Variants in CNTN4 observed in about 807,000 individuals in gnomAD.
CNTN4 encodes the protein contactin-4.
CNTN4 carries 77 observed loss-of-function variants against 122.5 expected under a neutral mutation model. The ratio of observed to expected loss-of-function variants is 0.63; its 90% confidence interval spans 0.52 to 0.76. CNTN4 has a LOEUF of 0.76. Among genes scored for constraint, CNTN4 ranks in the 30% least tolerant of loss-of-function variants. The probability of loss-of-function intolerance (pLI) is 0.00; values close to 1 mark genes in which losing one functional copy is unlikely to be tolerated. For synonymous variants in CNTN4, 512 were observed against 447.0 expected (o/e 1.15, Z -1.83); for missense variants, 1,256 against 1,259.1 (o/e 1.00, Z 0.04).
intron 4 of CNTN4, among the ~76,000 whole-genome samples, chr3:2,704,786 C>A (rs1300503465): frequency 1.3e-5 from 2 of 152,124 alleles, no homozygotes; most frequent in African/African-American, 4.8e-5. Flanking sequence ...CAATACAATA[C>A]TTTAAGATGT....
intron 4 of CNTN4, among the ~76,000 whole-genome samples, chr3:2,706,871 C>T (rs2086771989): frequency 6.6e-6 from 1 of 152,064 alleles, no homozygotes; most frequent in Non-Finnish European, 1.5e-5. Context: ...GCCTCAGTTT[C>T]CTCACCTGTA....
At chr3:2,953,506 T>C (rs1001899339) in intron 13 of CNTN4, among the ~76,000 whole-genome samples, 2 of 151,960 alleles carry the variant, frequency 1.3e-5, no homozygotes, top group African/African-American at 4.8e-5. Flanking sequence ...TTCTACAACT[T>C]CTAAACTGAC....
rs201029064 is a variant in CNTN4, at chr3:2,943,290, G to GACC, written c.1358+17512_1358+17514dup. On this transcript the variant is annotated intron_variant, in intron 13 of 24. Coordinates refer to ENST00000418658, the MANE Select transcript of CNTN4 (RefSeq NM_175607.3). ...TGATGTATTTTTCCACAGGCTGTTA[G>GACC]ACCTAAAACTGAATAGCTAAATCGA... 5.1e-4 allele frequency among the ~76,000 whole-genome samples: 78 copies of GACC among 152,226 alleles called. 1 individual carries two copies. The East Asian group carries it at 0.014, about 28-fold the overall frequency.
intron 9 of CNTN4, among the ~76,000 whole-genome samples, chr3:2,884,400 T>C (rs181621192): frequency 6.6e-6 from 1 of 152,316 alleles, no homozygotes; most frequent in Admixed American, 6.5e-5. Context: ...ACAAATAAGC[T>C]ACAGTCGTAT....
chr3:2,511,818 G>A (rs1283250173), intron 3 of CNTN4: 1 of 152,172 alleles, frequency 6.6e-6, no homozygotes, highest in Non-Finnish European at 1.5e-5. Context: ...GAGGTAGAGT[G>A]TGATCTGTTT....
chr3:2,489,160 G>A lies in CNTN4; in HGVS notation c.-88-82256G>A, dbSNP rs924250230. Among the ~76,000 whole-genome samples, 5 of 152,010 alleles carry A rather than the reference G, an allele frequency of 3.3e-5. No individual in the cohort carries two copies. The South Asian group carries it at 6.2e-4, about 19-fold the overall frequency. Reference sequence around the variant, plus strand: ...CACTATTGAAATCACTCAATTGAACGGGAACTTATGCCAGTCCTGAGAGGA... The same window carrying A: ...CACTATTGAAATCACTCAATTGAACAGGAACTTATGCCAGTCCTGAGAGGA... On this transcript the variant is annotated intron_variant, in intron 3 of 24. Coordinates refer to ENST00000418658, the MANE Select transcript of CNTN4 (RefSeq NM_175607.3).
At chr3:2,612,694 A>G (rs2081551954) in intron 4 of CNTN4, among the ~76,000 whole-genome samples, 1 of 152,182 alleles carries the variant, frequency 6.6e-6, no homozygotes, top group Non-Finnish European at 1.5e-5. Context: ...GCATTGCTAC[A>G]TATCTTATTT....
chr3:2,432,680 A>G (rs1412602088), intron 3 of CNTN4, among the ~76,000 whole-genome samples: 1 of 151,844 alleles, frequency 6.6e-6, no homozygotes, highest in Non-Finnish European at 1.5e-5. Context: ...ATGTGTGTGT[A>G]TGTATATATA....
intron 2 of CNTN4, among the ~76,000 whole-genome samples, chr3:2,243,481 G>A (rs371605876): frequency 1.2e-4 from 18 of 151,914 alleles, no homozygotes; most frequent in East Asian, 3.9e-4. Context: ...AGACAAATTC[G>A]TAAACTTTCT....
At chr3:2,334,926 G>C (rs1437203688) in intron 2 of CNTN4, among the ~76,000 whole-genome samples, 1 of 152,148 alleles carries the variant, frequency 6.6e-6, no homozygotes, top group Non-Finnish European at 1.5e-5. Context: ...TTTTGGTTTT[G>C]AGGTATTTGG....
rs577122568 is a variant in CNTN4 at position 2,846,993 on chromosome 3, C to CAAATAAAT, written c.455-19744_455-19737dup. Among the ~76,000 whole-genome samples the CAAATAAAT allele has an allele frequency of 1.1e-3, 169 of 151,972 alleles. 1 individual carries two copies. Among genetic ancestry groups the CAAATAAAT allele is most frequent in the African/African-American group, 3.8e-3 (158 of 41,406 alleles). On this transcript the variant is annotated intron_variant, in intron 7 of 24. Transcript: ENST00000418658. ...GGGGAACAAGAGTGAAACTCGGTCT[C>CAAATAAAT]AAATAAATAAATAAATAAATAAGTA...
chr3:2,105,788 C>T (rs571588927), intron 2 of CNTN4, among the ~76,000 whole-genome samples: 2 of 152,312 alleles, frequency 1.3e-5, no homozygotes, highest in African/African-American at 4.8e-5. Flanking sequence ...AACAGTCGCC[C>T]AGAATCTTAA....
intron 6 of CNTN4, among the ~76,000 whole-genome samples, chr3:2,793,221 G>A (rs775141612): frequency 2.0e-5 from 3 of 151,994 alleles, no homozygotes; most frequent in Admixed American, 6.6e-5. Flanking sequence ...CTTCACTCTC[G>A]ATTCCTATCA....
At chr3:2,504,257 G>A (rs376522066) in intron 3 of CNTN4, among the ~76,000 whole-genome samples, 5 of 152,240 alleles carry the variant, frequency 3.3e-5, no homozygotes, top group Admixed American at 2.0e-4. Context: ...TGATTTCCAG[G>A]TTTATCCTGA....
At chr3:3,041,868 G>A (rs575644093) in intron 20 of CNTN4, among the ~76,000 whole-genome samples, 1 of 152,192 alleles carries the variant, frequency 6.6e-6, no homozygotes, top group Non-Finnish European at 1.5e-5. Context: ...GCTGAGGCGG[G>A]AGGATGGCTT....
At chr3:2,278,505 G>C (rs571402699) in intron 2 of CNTN4, among the ~76,000 whole-genome samples, 21 of 152,298 alleles carry the variant, frequency 1.4e-4, no homozygotes, top group Non-Finnish European at 3.1e-4. Flanking sequence ...ACTAATCTCA[G>C]AATGTAACAT....
At chr3:2,810,281 G>T (rs1389348664) in intron 6 of CNTN4, among the ~76,000 whole-genome samples, 1 of 152,180 alleles carries the variant, frequency 6.6e-6, no homozygotes, top group Admixed American at 6.5e-5. Flanking sequence ...GTGTCATTTA[G>T]CTAAGCTGGA....
chr3:2,354,796 C>T (rs549140114), intron 3 of CNTN4, among the ~76,000 whole-genome samples: 1 of 152,258 alleles, frequency 6.6e-6, no homozygotes, highest in Non-Finnish European at 1.5e-5. Context: ...GCTCTCCCTG[C>T]CACCTACTCT....
intron 13 of CNTN4, among the ~76,000 whole-genome samples, chr3:2,950,369 A>G (rs2094726665): frequency 6.6e-6 from 1 of 152,168 alleles, no homozygotes; most frequent in Non-Finnish European, 1.5e-5. Flanking sequence ...GCTGAAGGAG[A>G]TTTGGACAAT....
Sources: gnomAD v4.1 joint callset for allele counts (sites outside exome capture counted in the v4.1 genomes callset) on GRCh38, gnomAD v4.1.1 for gene constraint, MANE v1.5 for transcripts, NCBI Gene and HGNC (gene_info 2026-07-23, HGNC 2026-07-21) for gene names.